Variants in TASP1 observed in about 807,000 individuals in gnomAD.
TASP1 encodes the protein threonine aspartase 1.
A neutral mutation model predicts 56.6 loss-of-function variants in TASP1; 16 were observed. The ratio of observed to expected loss-of-function variants is 0.28; its 90% CI spans 0.19 to 0.43. The LOEUF is 0.43. Among genes scored for constraint, TASP1 ranks in the 20% least tolerant of loss-of-function variants. TASP1 has a pLI of 1.00. For synonymous variants in TASP1, 179 were observed against 184.2 expected (o/e 0.97, Z 0.23); for missense variants, 393 against 511.6 (o/e 0.77, Z 2.24).
the TASP1 span, among the ~76,000 whole-genome samples, chr20:13,146,338 C>G: frequency 6.6e-6 from 1 of 152,026 alleles, no homozygotes; most frequent in Non-Finnish European, 1.5e-5. Flanking sequence ...GGCTTAACAC[C>G]TGGCTGATGA....
the TASP1 span, among the ~76,000 whole-genome samples, chr20:13,128,465 A>T: frequency 6.6e-6 from 1 of 152,114 alleles, no homozygotes; most frequent in Non-Finnish European, 1.5e-5. Flanking sequence ...GGCTGCTTTC[A>T]CCTTAAGGGT....
At chr20:13,433,381 C>G (rs143408868) in intron 12 of TASP1, among the ~76,000 whole-genome samples, 2 of 152,114 alleles carry the variant, frequency 1.3e-5, no homozygotes, top group East Asian at 1.9e-4. Context: ...GAAGAATATT[C>G]AAAGGATTCA....
intron 4 of TASP1, among the ~76,000 whole-genome samples, chr20:13,601,197 G>C (rs1469849340): frequency 6.6e-6 from 1 of 151,942 alleles, no homozygotes; most frequent in African/African-American, 2.4e-5. Flanking sequence ...AGGATGGCTT[G>C]AGCCTGGGAG....
At chr20:13,232,422 T>A in the TASP1 span, among the ~76,000 whole-genome samples, 1 of 152,240 alleles carries the variant, frequency 6.6e-6, no homozygotes, top group African/African-American at 2.4e-5. Context: ...TTGCATGATA[T>A]GGCTTTTTGC....
chr20:13,353,636 C>T, the TASP1 span, among the ~76,000 whole-genome samples: 5 of 152,024 alleles, frequency 3.3e-5, no homozygotes, highest in Non-Finnish European at 5.9e-5. Flanking sequence ...GGGTGATTTG[C>T]CCCCTACTGC....
chr20:13,133,870 C>T, the TASP1 span, among the ~76,000 whole-genome samples: 5 of 152,208 alleles, frequency 3.3e-5, no homozygotes, highest in Non-Finnish European at 7.3e-5. Flanking sequence ...CATCCTTTCC[C>T]TAACAACCCC....
At chr20:13,519,007 A>T (rs576083357) in intron 10 of TASP1, among the ~76,000 whole-genome samples, 90 of 152,068 alleles carry the variant, frequency 5.9e-4, no homozygotes, top group South Asian at 1.7e-3. Context: ...AGAAAAGAAC[A>T]AAAAAAATAT....
the TASP1 span, among the ~76,000 whole-genome samples, chr20:13,354,233 C>T: frequency 6.6e-6 from 1 of 151,830 alleles, no homozygotes; most frequent in Admixed American, 6.6e-5. Flanking sequence ...GATTCAAGAT[C>T]CAAATAATAG....
chr20:13,239,677 T>G, the TASP1 span: 1 of 152,194 alleles, frequency 6.6e-6, no homozygotes, highest in Non-Finnish European at 1.5e-5. Context: ...CACTCCATGG[T>G]GAGGCACTCT....
intron 4 of TASP1, among the ~76,000 whole-genome samples, chr20:13,612,491 AAC>A (rs34343791): frequency 0.043 from 6,241 of 143,854 alleles, 351 homozygotes; most frequent in African/African-American, 0.13. Context: ...ATTTGTAGCA[AAC>A]ACACACACAC....
intron 13 of TASP1, among the ~76,000 whole-genome samples, chr20:13,401,326 A>T (rs1469194729): frequency 6.6e-6 from 1 of 152,170 alleles, no homozygotes; most frequent in African/African-American, 2.4e-5. Context: ...CTGGGAAGAA[A>T]GGACAGTGGG....
At chr20:13,185,701 G>C in the TASP1 span, among the ~76,000 whole-genome samples, 1 of 152,090 alleles carries the variant, frequency 6.6e-6, no homozygotes, top group Non-Finnish European at 1.5e-5. Flanking sequence ...GACCTGCTAA[G>C]GGCCTTACAT....
the TASP1 span, among the ~76,000 whole-genome samples, chr20:13,327,000 T>C: frequency 6.6e-6 from 1 of 152,168 alleles, no homozygotes; most frequent in Non-Finnish European, 1.5e-5. Context: ...CATATGCGAA[T>C]AGGAAGAGGG....
the TASP1 span, among the ~76,000 whole-genome samples, chr20:13,150,118 TC>T: frequency 6.6e-6 from 1 of 152,332 alleles, no homozygotes; most frequent in East Asian, 1.9e-4. Flanking sequence ...TTTAAAATAA[TC>T]CTTACCATAG....
chr20:13,120,157 C>T, the TASP1 span, among the ~76,000 whole-genome samples: 1 of 152,142 alleles, frequency 6.6e-6, no homozygotes, highest in Non-Finnish European at 1.5e-5. Flanking sequence ...GAAAAAACTA[C>T]TTCTACTAGT....
At chr20:13,381,344 T>G in the TASP1 span, among the ~76,000 whole-genome samples, 1 of 152,112 alleles carries the variant, frequency 6.6e-6, no homozygotes, top group African/African-American at 2.4e-5. Context: ...TCTCCAACCC[T>G]TTGCACTTCC....
chr20:13,350,487 G>A, the TASP1 span, among the ~76,000 whole-genome samples: 1 of 151,972 alleles, frequency 6.6e-6, no homozygotes, highest in Non-Finnish European at 1.5e-5. Context: ...ACAATTTTAA[G>A]GCTTACTTTA....
chr20:13,156,453 A>G, the TASP1 span, among the ~76,000 whole-genome samples: 2 of 152,212 alleles, frequency 1.3e-5, no homozygotes, highest in African/African-American at 4.8e-5. Context: ...AAGGTTTGGA[A>G]TCAAAAAGAA....
chr20:13,205,287 T>C, the TASP1 span, among the ~76,000 whole-genome samples: 1 of 152,114 alleles, frequency 6.6e-6, no homozygotes, highest in South Asian at 2.1e-4. Flanking sequence ...AGGACTGTTT[T>C]AAGTGGTGGA....
Sources: allele counts gnomAD v4.1 joint callset (sites outside exome capture counted in the v4.1 genomes callset), GRCh38; gene constraint gnomAD v4.1.1; transcripts MANE v1.5; gene names NCBI Gene and HGNC (gene_info 2026-07-23, HGNC 2026-07-21).